ZCCHC17: variants seen among roughly 807,000 people sequenced by gnomAD.
ZCCHC17 encodes the protein zinc finger CCHC domain-containing protein 17.
ZCCHC17 carries 18 observed loss-of-function variants against 30.6 expected under a neutral mutation model. The ratio of observed to expected loss-of-function variants is 0.59; its 90% CI spans 0.41 to 0.87. The LOEUF (loss-of-function observed/expected upper bound fraction) is 0.87. ZCCHC17 is among the 40% of genes least tolerant of loss of function. ZCCHC17 has a pLI of 0.00. For synonymous variants in ZCCHC17, 88 were observed against 92.4 expected (o/e 0.95, Z 0.27); for missense variants, 263 against 284.2 (o/e 0.93, Z 0.54).
intron 3 of ZCCHC17, among the ~76,000 whole-genome samples, chr1:31,329,410 C>T (rs1638490662): frequency 6.6e-6 from 1 of 151,990 alleles, no homozygotes; most frequent in African/African-American, 2.4e-5. Context: ...ATTTTGAGAA[C>T]AGATTTTTCA....
At chr1:31,345,569 T>TATAATATATATATATATATAATATA in intron 5 of ZCCHC17, among the ~76,000 whole-genome samples, 1 of 133,884 alleles carries the variant, frequency 7.5e-6, no homozygotes, top group South Asian at 2.2e-4. Context: ...TATAATATAA[T>TATAATATATATATATATATAATATA]ATATATATAT....
chr1:31,303,965 C>T (rs1182371901), intron 1 of ZCCHC17, among the ~76,000 whole-genome samples: 1 of 152,172 alleles, frequency 6.6e-6, no homozygotes, highest in Non-Finnish European at 1.5e-5. Flanking sequence ...ATTTCCTCCT[C>T]ACCCAGCTTA....
intron 7 of ZCCHC17, among the ~76,000 whole-genome samples, chr1:31,357,392 C>G (rs1639682969): frequency 6.6e-6 from 1 of 152,194 alleles, no homozygotes. Flanking sequence ...TCCTTTAAGA[C>G]TCTTCACAAT....
chr1:31,340,320 T>TTG (rs942715051), intron 5 of ZCCHC17, among the ~76,000 whole-genome samples: 2 of 146,610 alleles, frequency 1.4e-5, no homozygotes, highest in African/African-American at 5.0e-5. Flanking sequence ...GGAGGGTTTT[T>TTG]TTTTTTTTTT....
At chr1:31,324,983 T>C (rs952867063) in intron 3 of ZCCHC17, among the ~76,000 whole-genome samples, 1 of 152,036 alleles carries the variant, frequency 6.6e-6, no homozygotes, top group African/African-American at 2.4e-5. Flanking sequence ...GGCCTGCCCA[T>C]GGACCAGTCA....
At chr1:31,325,094 C>T (rs1400507530) in intron 3 of ZCCHC17, among the ~76,000 whole-genome samples, 1 of 152,156 alleles carries the variant, frequency 6.6e-6, no homozygotes, top group Non-Finnish European at 1.5e-5. Flanking sequence ...ACTGGGTCTC[C>T]TCTCCGTCAA....
At chr1:31,319,338 A>G (rs1646808558) in intron 3 of ZCCHC17, among the ~76,000 whole-genome samples, 172 bp downstream of exon 3, 1 of 152,118 alleles carries the variant, frequency 6.6e-6, no homozygotes, top group Non-Finnish European at 1.5e-5. Flanking sequence ...GCGGGCAGAG[A>G]ATTGTGGTCT....
intron 7 of ZCCHC17, among the ~76,000 whole-genome samples, chr1:31,354,158 G>C (rs1036866775): frequency 6.6e-6 from 1 of 151,880 alleles, no homozygotes. Context: ...TCATCTCCTT[G>C]GTTAAGTTTC....
At chr1:31,302,560 A>G (rs1198759788) in intron 1 of ZCCHC17, among the ~76,000 whole-genome samples, 1 of 152,210 alleles carries the variant, frequency 6.6e-6, no homozygotes, top group African/African-American at 2.4e-5. Context: ...TTAGAGCTAT[A>G]TTCTACAAAA....
intron 7 of ZCCHC17, among the ~76,000 whole-genome samples, chr1:31,357,278 G>A (rs1199679428): frequency 1.3e-5 from 2 of 152,050 alleles, no homozygotes; most frequent in East Asian, 3.8e-4. Flanking sequence ...GCCCACTCAG[G>A]GACACATTCT....
chr1:31,297,562 C>T (rs559687465), intron 1 of ZCCHC17, among the ~76,000 whole-genome samples: 1 of 152,304 alleles, frequency 6.6e-6, no homozygotes, highest in South Asian at 2.1e-4. Context: ...CTCAGTCGTC[C>T]TGCTGATATT....
rs1006365031 is a variant in ZCCHC17, at chr1:31,314,114, C to T, written c.66+3950C>T. Among the ~76,000 whole-genome samples, 7 of 152,196 alleles carry T rather than the reference C, an allele frequency of 4.6e-5. No individual in the cohort carries two copies. In the East Asian group the frequency reaches 9.6e-4, roughly 21 times the overall value. ...TCCTGACCTCAGGTGATCCACCCAC[C>T]TCGGCCTCCCAAAGTGCTGGGATTA... On this transcript the variant is annotated intron_variant, in intron 2 of 7. Coordinates refer to ENST00000344147, the MANE Select transcript of ZCCHC17 (RefSeq NM_016505.4).
intron 6 of ZCCHC17, among the ~76,000 whole-genome samples, chr1:31,347,648 G>A (rs937131711): frequency 1.9e-4 from 29 of 152,044 alleles, no homozygotes; most frequent in Non-Finnish European, 4.3e-4. Flanking sequence ...TTTAAGGTAG[G>A]GTCACCCAGG....
chr1:31,361,242 G>A (rs1449717014), intron 7 of ZCCHC17, among the ~76,000 whole-genome samples: 1 of 152,226 alleles, frequency 6.6e-6, no homozygotes, highest in East Asian at 1.9e-4. Context: ...CATTGGAGAT[G>A]CCAAGGAAGA....
chr1:31,331,889 C>T (rs919078697), intron 3 of ZCCHC17, among the ~76,000 whole-genome samples: 3 of 151,976 alleles, frequency 2.0e-5, no homozygotes, highest in African/African-American at 7.2e-5. Flanking sequence ...GGATTACAAG[C>T]GTAAGCCACC....
chr1:31,319,102 T>A lies in ZCCHC17; in HGVS notation c.67-7T>A. ...GTGACATTGATTTTTTTCCCCCATC[T>A]TTATAGGTTGCTATGGTGACAGACT... On this transcript the variant is annotated splice_polypyrimidine_tract_variant and splice_region_variant and intron_variant, in intron 2 of 7. Coordinates refer to ENST00000344147, the MANE Select transcript of ZCCHC17 (RefSeq NM_016505.4). 3 of 1,606,858 alleles carry A rather than the reference T, an allele frequency of 1.9e-6. No individual in the cohort carries two copies. The Admixed American group carries it at 5.0e-5, about 27-fold the overall frequency.
chr1:31,310,284 G>T, intron 2 of ZCCHC17, 120 bp downstream of exon 2: 1 of 931,312 alleles, frequency 1.1e-6, no homozygotes, highest in Non-Finnish European at 1.6e-6. Context: ...TAAATGGGAA[G>T]GGCCAGCGGA....
At chr1:31,302,555 G>C (rs927028593) in intron 1 of ZCCHC17, among the ~76,000 whole-genome samples, 7 of 152,154 alleles carry the variant, frequency 4.6e-5, no homozygotes, top group African/African-American at 1.7e-4. Flanking sequence ...TAGTGTTAGA[G>C]CTATATTCTA....
chr1:31,348,589 C>G (rs1401966618), intron 6 of ZCCHC17, among the ~76,000 whole-genome samples: 1 of 152,208 alleles, frequency 6.6e-6, no homozygotes. Context: ...TTTGCCATTT[C>G]GAGAACAGTA....
Sources: gnomAD v4.1 joint callset for allele counts (sites outside exome capture counted in the v4.1 genomes callset) on GRCh38, gnomAD v4.1.1 for gene constraint, MANE v1.5 for transcripts, NCBI Gene and HGNC (gene_info 2026-07-23, HGNC 2026-07-21) for gene names.